Variants in KEAP1 observed in about 807,000 individuals in gnomAD.
KEAP1 encodes kelch-like ECH-associated protein 1.
In KEAP1, 26 loss-of-function variants were observed where a neutral mutation model predicts 59.7. The observed-to-expected ratio is 0.44, with a 90% confidence interval of 0.32 to 0.60. KEAP1 has a LOEUF of 0.60. KEAP1 is among the 20% of genes least tolerant of loss of function. The pLI is 0.06. For synonymous variants in KEAP1, 350 were observed against 358.3 expected (o/e 0.98, Z 0.26); for missense variants, 539 against 871.4 (o/e 0.62, Z 4.80).
chr19:10,487,581 G>A (rs751616095), intron 5 of KEAP1, among the ~76,000 whole-genome samples: 9 of 151,980 alleles, frequency 5.9e-5, no homozygotes, highest in Non-Finnish European at 1.3e-4. Flanking sequence ...GCTTGAACCC[G>A]GGAGGCGGAG....
chr19:10,498,584 G>A (rs1914935059), intron 2 of KEAP1, among the ~76,000 whole-genome samples: 1 of 152,148 alleles, frequency 6.6e-6, no homozygotes, highest in Non-Finnish European at 1.5e-5. Flanking sequence ...TAAGGACATT[G>A]TGTGGACCAA....
rs764748628 is a variant in KEAP1 at position 10,491,704 on chromosome 19, T to A, written c.1198A>T (p.Thr400Ser). The change falls in exon 3 of 6, where the codon ACC becomes TCC. Residue 400 changes from threonine to serine, a missense_variant. By Grantham distance (58) the Thr-to-Ser change is moderately conservative. Coordinates refer to ENST00000171111, the MANE Select transcript of KEAP1 (RefSeq NM_203500.2). This position sits in a 1 kb window ranked among gnomAD's most constrained non-coding sequence, Gnocchi z 5.2. ...GGGGCGCAGGGCGACCACTGATTGG[T>A]CATGGGGTTGTAACAGTCCAGGGCG... ...SSALDCYNPM[T>S]NQWSPCAPMS... is the part of the protein sequence containing the mutation. 14 of 1,571,480 alleles carry A rather than the reference T, an allele frequency of 8.9e-6. No homozygotes were observed. The highest frequency in any genetic ancestry group is 1.2e-5 in the South Asian group (1 of 85,090).
intron 2 of KEAP1, chr19:10,492,536 G>T: frequency 4.8e-6 from 2 of 413,156 alleles, no homozygotes; most frequent in South Asian, 5.4e-5. Context: ...TGGCCAATAT[G>T]GTGAAACCCC....
intron 5 of KEAP1, 36 bp from the exon 6 acceptor site, chr19:10,486,854 C>G (rs2144579338): frequency 6.3e-7 from 1 of 1,590,412 alleles, no homozygotes; most frequent in Non-Finnish European, 8.6e-7. Flanking sequence ...CACCACCTGT[C>G]ACACCACATC....
At position 10,502,620 on chromosome 19, in the gene KEAP1, C is replaced by T. The variant is rs1245863557; in HGVS notation, c.-48+621G>A. The stretch of plus-strand genomic sequence containing the variant: ...CGCCCTGGGCCGTGGCGCCCGTTTT[C>T]CTGGTCTCCGGGCACGGCCGCAGGG... On this transcript the variant is annotated intron_variant, in intron 1 of 5. Coordinates refer to ENST00000171111, the MANE Select transcript of KEAP1 (RefSeq NM_203500.2). This position sits in a 1 kb window ranked among gnomAD's most constrained non-coding sequence, Gnocchi z 4.0. 6.6e-6 allele frequency: 1 copy of T among 152,170 alleles called. No individual in the cohort carries two copies. The highest frequency in any genetic ancestry group is 1.5e-5 in the Non-Finnish European group (1 of 68,022). The allele number at this position is 152,170 out of a possible 1,614,324, so 9.4% of individuals were successfully genotyped here.
chr19:10,489,397 T>C, intron 4 of KEAP1, 29 bp from the exon 5 acceptor site: 1 of 1,591,406 alleles, frequency 6.3e-7, no homozygotes, highest in Non-Finnish European at 8.6e-7. Context: ...AGAAGGTGAC[T>C]CTGGGGGTCT....
intron 2 of KEAP1, among the ~76,000 whole-genome samples, chr19:10,494,024 C>G (rs1914767096): frequency 6.6e-6 from 1 of 152,076 alleles, no homozygotes; most frequent in Non-Finnish European, 1.5e-5. Context: ...TCACTGTAGC[C>G]TTGAACTCCT....
rs2144604195 is a variant in KEAP1, at chr19:10,492,163, G to C, written c.739C>G (p.His247Asp). ...LNVRCESEVF[H>D]ACINWVKYDC... ...TACTTGACCCAGTTGATGCAGGCGT[G>C]GAAGACCTCGGACTCGCAGCGCACG... is the stretch of plus-strand genomic sequence containing the variant. Residue 247 changes from histidine to aspartate, a missense_variant, in exon 3 of 6, where the codon CAC (histidine) becomes GAC (aspartate). Physicochemically the swap from His to Asp is moderately conservative, Grantham distance 81. This residue lies in a region of KEAP1 where 61 missense variants were observed against 129.9 expected (regional missense o/e 0.47). Transcript: ENST00000171111. The C allele has an allele frequency of 1.2e-6, 2 of 1,614,038 alleles. No individual in the cohort carries two copies. The highest frequency in any genetic ancestry group is 1.7e-5 in the Admixed American group (1 of 60,002).
At position 10,491,771 on chromosome 19, in the gene KEAP1, C is replaced by T. The variant is rs1272089508; in HGVS notation, c.1131G>A (p.Val377=). 6.3e-7 allele frequency: 1 copy of T among 1,575,294 alleles called. No individual in the cohort carries two copies. Among genetic ancestry groups the T allele is most frequent in the Non-Finnish European group, 8.6e-7 (1 of 1,160,280 alleles). ...CGTCGGGCGAGTTGTTCCTGCCGCC[C>T]ACGGCGTACAACAGCCCGCCCACCA... The part of the protein sequence containing the change: ...GCVVGGLLYA[V]GGRNNSPDGN... Residue 377 remains valine, a synonymous_variant, in exon 3 of 6, where the codon GTG becomes GTA. Coordinates refer to ENST00000171111, the MANE Select transcript of KEAP1 (RefSeq NM_203500.2). The surrounding 1 kb of genome is among the most constrained non-coding windows in gnomAD (Gnocchi z 5.2).
chr19:10,497,315 C>T (rs1273225703), intron 2 of KEAP1, among the ~76,000 whole-genome samples: 1 of 152,072 alleles, frequency 6.6e-6, no homozygotes, highest in Non-Finnish European at 1.5e-5. Flanking sequence ...CCACATGTAA[C>T]ATAGAGGGTA....
chr19:10,489,918 G>T (rs1358241277), intron 3 of KEAP1, 65 bp from the exon 4 acceptor site: 3 of 1,434,398 alleles, frequency 2.1e-6, no homozygotes, highest in Non-Finnish European at 2.9e-6. Context: ...AATACTTAAG[G>T]GCCAGATACT....
chr19:10,499,377 C>G lies in KEAP1; in HGVS notation c.639+18G>C. ...GTCCTTCTCCTGACACTGCCCCCAG[C>G]CCCACTTCCCCGCTCACCTCCCCAA... On this transcript the variant is annotated intron_variant, in intron 2 of 5. Coordinates refer to ENST00000171111, the MANE Select transcript of KEAP1 (RefSeq NM_203500.2). The surrounding 1 kb of genome is among the most constrained non-coding windows in gnomAD (Gnocchi z 6.7). The G allele has an allele frequency of 6.4e-7, 1 of 1,555,272 alleles. No homozygotes were observed. Among genetic ancestry groups the G allele is most frequent in the South Asian group, 1.2e-5 (1 of 85,190 alleles).
chr19:10,489,419 C>T (rs543971750), intron 4 of KEAP1, 51 bp from the exon 5 acceptor site: 1 of 1,559,044 alleles, frequency 6.4e-7, no homozygotes, highest in East Asian at 2.3e-5. Context: ...GCTTTGGGAA[C>T]CCCAGCCATC....
intron 2 of KEAP1, among the ~76,000 whole-genome samples, chr19:10,494,857 T>C (rs1914799005): frequency 6.6e-6 from 1 of 150,896 alleles, no homozygotes; most frequent in Non-Finnish European, 1.5e-5. Context: ...GGTTTCACCA[T>C]GTTAGCTAGG....
At chr19:10,493,945 C>A (rs1914765275) in intron 2 of KEAP1, among the ~76,000 whole-genome samples, 1 of 151,924 alleles carries the variant, frequency 6.6e-6, no homozygotes, top group South Asian at 2.1e-4. Context: ...CCGGACCTGG[C>A]CTGTTTTTGC....
chr19:10,489,976 G>A, intron 3 of KEAP1, 123 bp from the exon 4 acceptor site: 1 of 949,812 alleles, frequency 1.1e-6, no homozygotes, highest in Non-Finnish European at 1.6e-6. Context: ...GGTTCATCCG[G>A]CGCGATGGCT....
At chr19:10,500,107 G>C in intron 1 of KEAP1, 27 bp from the exon 2 acceptor site, 2 of 1,464,752 alleles carry the variant, frequency 1.4e-6, no homozygotes, top group East Asian at 4.7e-5. Flanking sequence ...ACAGGGCAGA[G>C]GGCAGGGGTT....
chr19:10,492,920 C>G (rs1442500426), intron 2 of KEAP1, among the ~76,000 whole-genome samples: 1 of 151,082 alleles, frequency 6.6e-6, no homozygotes, highest in Non-Finnish European at 1.5e-5. Flanking sequence ...CTCCCAGGTT[C>G]AAGCAATTCT....
At chr19:10,497,033 A>G (rs974722848) in intron 2 of KEAP1, among the ~76,000 whole-genome samples, 32 of 151,602 alleles carry the variant, frequency 2.1e-4, no homozygotes, top group African/African-American at 7.8e-4. Flanking sequence ...CTGAGGCAGG[A>G]GAATTGCTTG....
Sources: gnomAD v4.1 joint callset for allele counts (sites outside exome capture counted in the v4.1 genomes callset) on GRCh38, gnomAD v4.1.1 for gene constraint, gnomAD v4.1.1 regional missense constraint, Gnocchi (gnomAD v3.1) non-coding constraint, MANE v1.5 for transcripts, NCBI Gene and HGNC (gene_info 2026-07-23, HGNC 2026-07-21) for gene names.